The following FYN variants were observed in gnomAD, a reference collection of about 807,000 sequenced individuals.
FYN encodes the protein tyrosine-protein kinase Fyn.
In FYN, 10 loss-of-function variants were observed where a neutral mutation model predicts 70.2. The ratio of observed to expected loss-of-function variants is 0.14; its 90% CI spans 0.09 to 0.24. FYN has a LOEUF of 0.24. Among genes scored for constraint, FYN ranks in the 10% least tolerant of loss-of-function variants. FYN has a pLI of 1.00. For missense variants in FYN, 319 were observed against 673.1 expected (o/e 0.47, Z 5.82); for synonymous variants, 236 against 248.6 (o/e 0.95, Z 0.48).
chr6:111,767,359 T>A (rs543747224), intron 3 of FYN, among the ~76,000 whole-genome samples: 2 of 152,334 alleles, frequency 1.3e-5, no homozygotes, highest in South Asian at 4.1e-4. Context: ...GCAAAGATTT[T>A]TGGTATTTTG....
chr6:111,764,189 G>C (rs372746639), intron 3 of FYN, among the ~76,000 whole-genome samples: 1 of 19,144 alleles, frequency 5.2e-5, no homozygotes, highest in African/African-American at 1.6e-4. Context: ...TGTTAAAAAA[G>C]AAAATTGGTC....
At chr6:111,724,527 G>T (rs911520288) in intron 3 of FYN, among the ~76,000 whole-genome samples, 4 of 152,188 alleles carry the variant, frequency 2.6e-5, no homozygotes, top group Admixed American at 2.6e-4. Flanking sequence ...CTTGCAGGAC[G>T]TGTGATAAGA....
chr6:111,700,283 C>A lies in FYN; in HGVS notation c.698-15G>T, dbSNP rs761683651. 5.0e-6 allele frequency: 8 copies of A among 1,613,432 alleles called. No homozygotes were observed. Among genetic ancestry groups the A allele is most frequent in the Admixed American group, 1.7e-5 (1 of 59,982 alleles). The stretch of plus-strand genomic sequence containing the variant: ...TGCAGCTCTCTCTGATGGAGCAGGG[C>A]AGGGGCAGGAGAGGGAGAGAAGAGC... On this transcript the variant is annotated splice_polypyrimidine_tract_variant and intron_variant, in intron 8 of 13. Transcript: ENST00000354650.
intron 3 of FYN, among the ~76,000 whole-genome samples, chr6:111,765,153 C>T (rs1314585747): frequency 6.6e-6 from 1 of 152,028 alleles, no homozygotes; most frequent in African/African-American, 2.4e-5. Context: ...AGGGTGTGTG[C>T]ACACATGAGC....
At chr6:111,822,737 G>T (rs1772711203) in intron 2 of FYN, among the ~76,000 whole-genome samples, 1 of 152,026 alleles carries the variant, frequency 6.6e-6, no homozygotes, top group South Asian at 2.1e-4. Context: ...GGTAGAGGCT[G>T]CAAAGCAGAC....
intron 6 of FYN, 87 bp from the exon 7 acceptor site, chr6:111,704,189 C>T (rs1461542896): frequency 2.0e-6 from 2 of 985,202 alleles, no homozygotes; most frequent in Non-Finnish European, 3.1e-6. Context: ...CCCATGAATT[C>T]CCCTCTCCTC....
intron 2 of FYN, among the ~76,000 whole-genome samples, chr6:111,792,123 C>T (rs1229772735): frequency 6.6e-6 from 1 of 152,100 alleles, no homozygotes; most frequent in Non-Finnish European, 1.5e-5. Context: ...AATTGCAATA[C>T]ATATATACAA....
intron 3 of FYN, among the ~76,000 whole-genome samples, chr6:111,761,396 T>C (rs1341639413): frequency 2.0e-5 from 3 of 152,176 alleles, no homozygotes; most frequent in African/African-American, 7.2e-5. Context: ...GCTGATGGAG[T>C]AGTTAACTCA....
intron 3 of FYN, among the ~76,000 whole-genome samples, chr6:111,772,307 A>C (rs528093924): frequency 8.5e-5 from 13 of 152,318 alleles, no homozygotes; most frequent in Admixed American, 2.0e-4. Context: ...ATAATTCAGG[A>C]AGAGAAAGGA....
At chr6:111,746,564 G>A (rs1802230225) in intron 3 of FYN, among the ~76,000 whole-genome samples, 1 of 152,178 alleles carries the variant, frequency 6.6e-6, no homozygotes, top group African/African-American at 2.4e-5. Context: ...TTATTGCCTA[G>A]TAGTATTCCA....
At chr6:111,730,488 C>T (rs1801397320) in intron 3 of FYN, among the ~76,000 whole-genome samples, 1 of 152,164 alleles carries the variant, frequency 6.6e-6, no homozygotes, top group Non-Finnish European at 1.5e-5. Flanking sequence ...TGAGTGAGGT[C>T]ATGAAGACCA....
intron 2 of FYN, among the ~76,000 whole-genome samples, chr6:111,837,352 T>C (rs1209618004): frequency 6.6e-6 from 1 of 152,100 alleles, no homozygotes; most frequent in Non-Finnish European, 1.5e-5. Context: ...TTAAATTACA[T>C]TTCCCCTACT....
chr6:111,868,788 T>C (rs2114540974), intron 1 of FYN, among the ~76,000 whole-genome samples: 1 of 152,272 alleles, frequency 6.6e-6, no homozygotes, highest in Middle Eastern at 3.4e-3. Context: ...TACTAAAGTT[T>C]GCTTCAATTT....
intron 13 of FYN, among the ~76,000 whole-genome samples, chr6:111,671,177 A>G (rs946206306): frequency 6.6e-6 from 1 of 152,222 alleles, no homozygotes. Context: ...ATCATATTTC[A>G]GTATTTTTTC....
chr6:111,723,851 G>T (rs754097244), intron 3 of FYN, among the ~76,000 whole-genome samples: 1 of 152,172 alleles, frequency 6.6e-6, no homozygotes, highest in South Asian at 2.1e-4. Context: ...CTGGGGCACC[G>T]GGAAACACTG....
chr6:111,717,466 T>C (rs904209995), intron 4 of FYN, among the ~76,000 whole-genome samples: 2 of 152,070 alleles, frequency 1.3e-5, no homozygotes, highest in African/African-American at 2.4e-5. Context: ...GCCCACTTTT[T>C]TTTTTTTCTT....
At chr6:111,713,008 A>C (rs1262991170) in intron 5 of FYN, among the ~76,000 whole-genome samples, 1 of 152,208 alleles carries the variant, frequency 6.6e-6, no homozygotes, top group Non-Finnish European at 1.5e-5. Context: ...CATGTGTTCC[A>C]ACAAAAAGTT....
chr6:111,695,457 A>G (rs190774326), intron 10 of FYN, among the ~76,000 whole-genome samples: 7 of 152,340 alleles, frequency 4.6e-5, no homozygotes, highest in Admixed American at 4.6e-4. Context: ...CTAACACCAA[A>G]GCAGGGATAA....
intron 3 of FYN, among the ~76,000 whole-genome samples, chr6:111,731,278 A>T (rs1383421923): frequency 6.6e-6 from 1 of 152,244 alleles, no homozygotes; most frequent in Non-Finnish European, 1.5e-5. Flanking sequence ...CCAGTCAAGA[A>T]GATCCAATTC....
Sources: allele counts gnomAD v4.1 joint callset (sites outside exome capture counted in the v4.1 genomes callset), GRCh38; gene constraint gnomAD v4.1.1; transcripts MANE v1.5; gene names NCBI Gene and HGNC (gene_info 2026-07-23, HGNC 2026-07-21).